Variants in ADGRB3 observed in about 807,000 individuals in gnomAD.
ADGRB3 encodes the protein brain-specific angiogenesis inhibitor 3.
In ADGRB3, 37 loss-of-function variants were observed where a neutral mutation model predicts 193.4. That is an observed-to-expected ratio of 0.19 (90% confidence interval 0.15 to 0.25). The LOEUF (loss-of-function observed/expected upper bound fraction) is 0.25. Among genes scored for constraint, ADGRB3 ranks in the 10% least tolerant of loss-of-function variants. ADGRB3 has a pLI of 1.00. For synonymous variants in ADGRB3, 690 were observed against 644.2 expected (o/e 1.07, Z -1.08); for missense variants, 1,637 against 1,852.9 (o/e 0.88, Z 2.14).
chr6:69,076,352 T>G (rs780903145), intron 17 of ADGRB3, among the ~76,000 whole-genome samples: 2 of 152,112 alleles, frequency 1.3e-5, no homozygotes, highest in Non-Finnish European at 2.9e-5. Context: ...CTTAACATCT[T>G]GTCCTAGTAA....
chr6:68,705,640 G>T (rs1765314087), intron 3 of ADGRB3, among the ~76,000 whole-genome samples: 1 of 152,174 alleles, frequency 6.6e-6, no homozygotes, highest in African/African-American at 2.4e-5. Context: ...GTTATTTAAA[G>T]GTGTGGGCAG....
chr6:68,818,151 A>G (rs1033185853), intron 3 of ADGRB3, among the ~76,000 whole-genome samples: 1 of 152,060 alleles, frequency 6.6e-6, no homozygotes, highest in Non-Finnish European at 1.5e-5. Context: ...AGGCTGGTAG[A>G]GCAGAAAGAA....
intron 3 of ADGRB3, among the ~76,000 whole-genome samples, chr6:68,868,865 T>G (rs1225781348): frequency 6.6e-6 from 1 of 151,512 alleles, no homozygotes; most frequent in Non-Finnish European, 1.5e-5. Context: ...CCAAAAAGTA[T>G]TTAACATGCT....
chr6:69,297,392 ATC>A (rs375206329), intron 20 of ADGRB3, among the ~76,000 whole-genome samples: 3,042 of 113,170 alleles, frequency 0.027, 27 homozygotes, highest in Non-Finnish European at 0.035. Context: ...CTCTCTCTCT[ATC>A]TCTCTCTCTC....
chr6:69,316,750 G>T lies in ADGRB3; in HGVS notation c.2815-8122G>T, dbSNP rs952251789. On this transcript the variant is annotated intron_variant, in intron 20 of 31. Coordinates refer to ENST00000370598, the MANE Select transcript of ADGRB3 (RefSeq NM_001704.3). Reference sequence around the variant, plus strand: ...GCTAGACGGCAAGAAGAAAAGAGGAGAGCAGGTAATATAGAAGTTGAAGTG... The same window carrying T: ...GCTAGACGGCAAGAAGAAAAGAGGATAGCAGGTAATATAGAAGTTGAAGTG... 9.9e-5 allele frequency among the ~76,000 whole-genome samples: 15 copies of T among 151,524 alleles called. No individual in the cohort carries two copies. The Admixed American group carries it at 9.9e-4, about 10-fold the overall frequency.
At chr6:68,745,054 T>C (rs141560015) in intron 3 of ADGRB3, among the ~76,000 whole-genome samples, 2 of 152,156 alleles carry the variant, frequency 1.3e-5, no homozygotes, top group East Asian at 3.9e-4. Context: ...GGTTACACTA[T>C]CTAAAAATCA....
At chr6:69,350,509 A>G (rs930839203) in intron 26 of ADGRB3, among the ~76,000 whole-genome samples, 5 of 152,108 alleles carry the variant, frequency 3.3e-5, no homozygotes, top group African/African-American at 9.7e-5. Context: ...TAAATATTAA[A>G]TTGTTTCCTA....
intron 3 of ADGRB3, among the ~76,000 whole-genome samples, chr6:68,855,055 C>G (rs920186702): frequency 1.3e-5 from 2 of 152,194 alleles, no homozygotes; most frequent in Non-Finnish European, 2.9e-5. Flanking sequence ...CAGGAAGGAA[C>G]CTGCATCCAA....
At chr6:68,888,090 C>T (rs1178369594) in intron 3 of ADGRB3, among the ~76,000 whole-genome samples, 1 of 152,064 alleles carries the variant, frequency 6.6e-6, no homozygotes, top group African/African-American at 2.4e-5. Context: ...TAGCTAGAGG[C>T]TTATGTGAAA....
At chr6:68,899,658 A>G (rs1410005320) in intron 3 of ADGRB3, among the ~76,000 whole-genome samples, 1 of 152,048 alleles carries the variant, frequency 6.6e-6, no homozygotes, top group Non-Finnish European at 1.5e-5. Flanking sequence ...TCCATGGTGT[A>G]TATGTGCCAC....
chr6:68,968,705 G>A (rs565744872), intron 8 of ADGRB3, among the ~76,000 whole-genome samples: 49 of 152,090 alleles, frequency 3.2e-4, no homozygotes, highest in Non-Finnish European at 5.3e-4. Context: ...CGGACGAGTC[G>A]TTGTATCTAG....
rs567746102 is a variant in ADGRB3 at position 69,048,760 on chromosome 6, T to A, written c.2257+426T>A. Among the ~76,000 whole-genome samples, 137 of 152,298 alleles carry A rather than the reference T, an allele frequency of 9.0e-4. 1 individual carries two copies. Among genetic ancestry groups the A allele is most frequent in the African/African-American group, 3.2e-3 (132 of 41,582 alleles). ...TACAAAAACAAATTTAATACCTGGA[T>A]GATAAAATAATCAGTACAACAAGCC... On this transcript the variant is annotated intron_variant, in intron 14 of 31. Transcript: ENST00000370598.
chr6:69,163,130 T>G (rs931121572), intron 17 of ADGRB3, among the ~76,000 whole-genome samples: 3 of 152,074 alleles, frequency 2.0e-5, no homozygotes, highest in African/African-American at 7.2e-5. Context: ...ATGTTATAAA[T>G]TCTCTTAATC....
chr6:69,330,086 TA>T (rs748556899), intron 22 of ADGRB3, among the ~76,000 whole-genome samples: 2 of 152,136 alleles, frequency 1.3e-5, no homozygotes, highest in Non-Finnish European at 1.5e-5. Flanking sequence ...GAAGAGCAGG[TA>T]AATGGCACGT....
chr6:68,891,362 CATA>C (rs1412517863), intron 3 of ADGRB3, among the ~76,000 whole-genome samples: 1 of 152,086 alleles, frequency 6.6e-6, no homozygotes. Flanking sequence ...ATTATTTTAT[CATA>C]ATACTGGGAA....
At chr6:68,915,163 A>T (rs1024142047) in intron 3 of ADGRB3, among the ~76,000 whole-genome samples, 77 of 152,288 alleles carry the variant, frequency 5.1e-4, no homozygotes, top group African/African-American at 1.8e-3. Flanking sequence ...TTGGCCATCA[A>T]TTTGACGCAA....
intron 15 of ADGRB3, among the ~76,000 whole-genome samples, chr6:69,052,927 T>G (rs1582424654): frequency 6.6e-6 from 1 of 152,224 alleles, no homozygotes; most frequent in Non-Finnish European, 1.5e-5. Flanking sequence ...GGCTCACGCC[T>G]GTAATCCCAG....
At chr6:68,832,424 A>G (rs1011232981) in intron 3 of ADGRB3, among the ~76,000 whole-genome samples, 1 of 152,050 alleles carries the variant, frequency 6.6e-6, no homozygotes, top group Non-Finnish European at 1.5e-5. Flanking sequence ...CTTAATTTCC[A>G]TAGTAAGAGG....
At chr6:69,221,554 C>A (rs1234466589) in intron 17 of ADGRB3, among the ~76,000 whole-genome samples, 1 of 148,212 alleles carries the variant, frequency 6.7e-6, no homozygotes, top group African/African-American at 2.5e-5. Context: ...AGCTACTCTT[C>A]CCTCATTTAC....
Sources: gnomAD v4.1 joint callset for allele counts (sites outside exome capture counted in the v4.1 genomes callset) on GRCh38, gnomAD v4.1.1 for gene constraint, MANE v1.5 for transcripts, NCBI Gene and HGNC (gene_info 2026-07-23, HGNC 2026-07-21) for gene names.